ALPK3: variants seen among roughly 807,000 people sequenced by gnomAD.
ALPK3 encodes alpha-protein kinase 3.
Under a neutral mutation model 140.0 loss-of-function variants are expected in ALPK3, and 102 were observed. That is an observed-to-expected ratio of 0.73 (90% CI 0.62 to 0.86). The LOEUF (loss-of-function observed/expected upper bound fraction) is 0.86, where lower values mean the gene tolerates loss of function less well. ALPK3 is among the 40% of genes least tolerant of loss of function. The probability of loss-of-function intolerance (pLI) is 0.00; values close to 1 mark genes in which losing one functional copy is unlikely to be tolerated. For missense variants in ALPK3, 2,254 were observed against 2,208.2 expected (o/e 1.02, Z -0.42); for synonymous variants, 938 against 898.5 (o/e 1.04, Z -0.79).
rs1039459250 is a variant in ALPK3 at position 84,821,009 on chromosome 15, T to G, written c.144-2321T>G. ...CCAACCCTTTTTTTTTCTTCTATTC[T>G]GCTTATGTATGAATTCCCATTTTGT... is the stretch of plus-strand genomic sequence containing the variant. On this transcript the variant is annotated intron_variant, in intron 1 of 13. Coordinates refer to ENST00000258888, the MANE Select transcript of ALPK3 (RefSeq NM_020778.5). Among the ~76,000 whole-genome samples, 5 of 151,872 alleles carry G rather than the reference T, an allele frequency of 3.3e-5. No individual in the cohort carries two copies. The South Asian group carries it at 6.2e-4, about 19-fold the overall frequency.
chr15:84,857,650 C>T lies in ALPK3; in HGVS notation c.2912C>T (p.Ser971Phe). ...KNYLLLLLKL[S>F]STETSGAGGE... ...TACCTGCTTCTGCTGCTGAAGCTGT[C>T]CAGCACAGAGACAAGTGGAGCAGGG... The change falls in exon 6 of 14, where the codon TCC becomes TTC. Residue 971 changes from serine to phenylalanine, a missense_variant. Physicochemically the swap from Ser to Phe is radical, Grantham distance 155. This residue lies in a region of ALPK3 where 2,088 missense variants were observed against 2,022.9 expected (regional missense o/e 1.03). Transcript: ENST00000258888. 6.2e-6 allele frequency: 10 copies of T among 1,601,112 alleles called. No homozygotes were observed. The highest frequency in any genetic ancestry group is 1.3e-5 in the African/African-American group (1 of 74,860).
chr15:84,863,934 C>A (rs183862976), intron 11 of ALPK3, among the ~76,000 whole-genome samples: 9 of 152,294 alleles, frequency 5.9e-5, no homozygotes, highest in Admixed American at 5.9e-4. Context: ...TCTGGGACTC[C>A]ATGAAGGTGA....
chr15:84,833,176 A>G (rs1331406220), intron 3 of ALPK3, among the ~76,000 whole-genome samples: 2 of 152,206 alleles, frequency 1.3e-5, no homozygotes, highest in African/African-American at 4.8e-5. Context: ...CTACAACGCC[A>G]CCAATGGAGT....
intron 9 of ALPK3, among the ~76,000 whole-genome samples, chr15:84,861,468 T>TTG (rs1240194362): frequency 6.6e-6 from 1 of 152,224 alleles, no homozygotes; most frequent in African/African-American, 2.4e-5. Context: ...TTTAGTAATG[T>TTG]TAAGGTTGGT....
In ALPK3 at chr15:84,840,118, C is replaced by G; in HGVS notation, c.839C>G (p.Ala280Gly). The G allele has an allele frequency of 3.1e-6, 5 of 1,614,128 alleles. No individual in the cohort carries two copies. The highest frequency in any genetic ancestry group is 3.4e-6 in the Non-Finnish European group (4 of 1,180,024). Residue 280 changes from alanine (A) to glycine (G), a missense_variant, in exon 5 of 14, where the codon GCT becomes GGT. Around this residue, in one of 3 missense-constraint regions of ALPK3, gnomAD observed 2,088 missense variants for 2,022.9 expected, o/e 1.03. Transcript: ENST00000258888. Reference sequence around the variant, plus strand: ...GGAGAAGTGACCACCAACGGGGAGGCTGCCCCCGAGAATGGAGAGGACGGA... The same window carrying G: ...GGAGAAGTGACCACCAACGGGGAGGGTGCCCCCGAGAATGGAGAGGACGGA... ...ASGEVTTNGEAAPENGEDGEH... is the reference protein window; with the variant it reads ...ASGEVTTNGEGAPENGEDGEH...
In ALPK3 at chr15:84,857,715, C is replaced by A; in HGVS notation, c.2977C>A (p.Pro993Thr). Residue 993 changes from proline (P) to threonine (T), a missense_variant, in exon 6 of 14, where the codon CCC becomes ACC. By Grantham distance (38) the Pro-to-Thr change is conservative. Coordinates refer to ENST00000258888, the MANE Select transcript of ALPK3 (RefSeq NM_020778.5). ...QVGAATGGLV[P>T]SATLTPTVEV... is the part of the protein sequence containing the mutation. ...GGGGGCAGCCACCGGAGGTCTGGTG[C>A]CCTCAGCCACTCTGACACCCACTGT... 1.9e-6 allele frequency: 3 copies of A among 1,612,266 alleles called. No individual in the cohort carries two copies. Among genetic ancestry groups the A allele is most frequent in the Non-Finnish European group, 2.5e-6 (3 of 1,178,816 alleles).
intron 5 of ALPK3, among the ~76,000 whole-genome samples, chr15:84,850,171 T>C (rs1056469965): frequency 1.4e-4 from 21 of 152,050 alleles, no homozygotes; most frequent in Admixed American, 1.3e-4. Flanking sequence ...AATTATAAAC[T>C]ACCAAAACTT....
At chr15:84,864,230 A>G (rs1963979553) in intron 11 of ALPK3, among the ~76,000 whole-genome samples, 1 of 152,180 alleles carries the variant, frequency 6.6e-6, no homozygotes, top group Non-Finnish European at 1.5e-5. Context: ...CCACTGACCA[A>G]GAGAATGGAC....
intron 5 of ALPK3, among the ~76,000 whole-genome samples, chr15:84,854,603 C>T (rs1459430238): frequency 6.6e-6 from 1 of 152,112 alleles, no homozygotes; most frequent in Non-Finnish European, 1.5e-5. Flanking sequence ...CATTTTCTAT[C>T]TCATATTGGC....
intron 9 of ALPK3, among the ~76,000 whole-genome samples, chr15:84,861,055 A>C (rs1963939570): frequency 6.6e-6 from 1 of 152,218 alleles, no homozygotes. Flanking sequence ...CTCAACCTCA[A>C]AACTAAGTAA....
chr15:84,828,188 T>TA (rs1464393579), intron 3 of ALPK3, among the ~76,000 whole-genome samples: 1 of 152,198 alleles, frequency 6.6e-6, no homozygotes, highest in East Asian at 1.9e-4. Context: ...AGTTAATACA[T>TA]GCAAAGTGTT....
In ALPK3 at chr15:84,845,983, C is replaced by A. The variant is rs1164865865; in HGVS notation, c.1653+5051C>A. Among the ~76,000 whole-genome samples, 3 of 152,122 alleles carry A rather than the reference C, an allele frequency of 2.0e-5. No individual in the cohort carries two copies. The East Asian group carries it at 5.8e-4, about 29-fold the overall frequency. Reference sequence around the variant, plus strand: ...GCTGAGGTGGGAGAATTGCTTGAACCCGGGAACCTGGGAGGCAGAGGTTGC... The same window carrying A: ...GCTGAGGTGGGAGAATTGCTTGAACACGGGAACCTGGGAGGCAGAGGTTGC... On this transcript the variant is annotated intron_variant, in intron 5 of 13. Transcript: ENST00000258888.
chr15:84,839,970 C>T lies in ALPK3; in HGVS notation c.691C>T (p.Gln231Ter), dbSNP rs748725556. The T allele has an allele frequency of 2.5e-6, 4 of 1,612,814 alleles. No homozygotes were observed. The highest frequency in any genetic ancestry group is 4.5e-5 in the East Asian group (2 of 44,846). Reference protein sequence around the residue: ...FQRKRRLSGAQAPGPSVPTRE... With the variant: ...FQRKRRLSGA ...GCGAAAGCGGCGATTGAGCGGGGCT[C>T]AAGCGCCGGGCCCCTCGGTCCCTAC... is the stretch of plus-strand genomic sequence containing the variant. Residue 231 changes from glutamine to a stop codon, truncating the protein, a stop_gained, in exon 5 of 14, where the codon CAA (glutamine) becomes TAA (stop). Coordinates refer to ENST00000258888, the MANE Select transcript of ALPK3 (RefSeq NM_020778.5). LOFTEE classifies it high-confidence loss of function.
Position 84,857,087 on chromosome 15 carries a change from C to T in ALPK3, c.2349C>T (p.Ser783=), listed in dbSNP as rs1459952935. The change falls in exon 6 of 14, where the codon TCC becomes TCT. Residue 783 remains serine, a synonymous_variant. Coordinates refer to ENST00000258888, the MANE Select transcript of ALPK3 (RefSeq NM_020778.5). ...CTGAGGAGGCAGTAGTAACAGCCTC[C>T]AGGAACCATGAGCAAACTGTGCTGG... is the stretch of plus-strand genomic sequence containing the variant. ...PRSEEAVVTA[S]RNHEQTVLGP... The T allele has an allele frequency of 6.2e-7, 1 of 1,614,212 alleles. No homozygotes were observed. The highest frequency in any genetic ancestry group is 8.5e-7 in the Non-Finnish European group (1 of 1,180,018).
intron 5 of ALPK3, among the ~76,000 whole-genome samples, chr15:84,846,672 G>A (rs1197803397): frequency 6.6e-6 from 1 of 152,166 alleles, no homozygotes; most frequent in Non-Finnish European, 1.5e-5. Flanking sequence ...GACAAAGGGA[G>A]ACCCTGTCTC....
Position 84,859,632 on chromosome 15 carries a change from C to T in ALPK3, c.3966-144C>T, listed in dbSNP as rs548505591. On this transcript the variant is annotated intron_variant, in intron 7 of 13. Transcript: ENST00000258888. ...CCAGACCTGTGGGCTTCAGGACCAGCTCTTGGCCCTGGAATCGCGCTGCTT... is the reference window on the plus strand; with the variant it reads ...CCAGACCTGTGGGCTTCAGGACCAGTTCTTGGCCCTGGAATCGCGCTGCTT... The T allele has an allele frequency of 8.7e-5, 118 of 1,349,724 alleles. No individual in the cohort carries two copies. The South Asian group carries it at 1.6e-3, about 19-fold the overall frequency. 83.6% of individuals were successfully genotyped at this position (1,349,724 alleles called of 1,614,324 possible). A position where few individuals can be genotyped will look rare whatever the true frequency, so the allele number is the denominator to read the frequency against.
Position 84,858,149 on chromosome 15 carries a change from C to G in ALPK3, c.3411C>G (p.Pro1137=). Residue 1137 remains proline, a synonymous_variant, in exon 6 of 14, where the codon CCC becomes CCG. Coordinates refer to ENST00000258888, the MANE Select transcript of ALPK3 (RefSeq NM_020778.5). The stretch of plus-strand genomic sequence containing the variant: ...CAGCAGAGAGCATAGCCCAGGAGCC[C>G]TCCCAAGAGGAGAAGTTCCCAGGGG... The part of the protein sequence containing the change: ...GPSAESIAQE[P]SQEEKFPGEA... 6.2e-7 allele frequency: 1 copy of G among 1,606,014 alleles called. No individual in the cohort carries two copies. The highest frequency in any genetic ancestry group is 8.5e-7 in the Non-Finnish European group (1 of 1,176,914).
At chr15:84,868,037 A>G in intron 13 of ALPK3, 74 bp from the exon 14 acceptor site, 1 of 1,454,318 alleles carries the variant, frequency 6.9e-7, no homozygotes, top group South Asian at 1.3e-5. Flanking sequence ...GATGATGGCC[A>G]CCCCAGAGTC....
chr15:84,857,477 C>T lies in ALPK3; in HGVS notation c.2739C>T (p.His913=). 3.1e-6 allele frequency: 5 copies of T among 1,608,636 alleles called. No homozygotes were observed. The highest frequency in any genetic ancestry group is 4.2e-6 in the Non-Finnish European group (5 of 1,176,514). The part of the protein sequence containing the change: ...QVLMSSAPTL[H]LGLGTPTQSH... Reference sequence around the variant, plus strand: ...TGATGAGTTCTGCCCCAACACTGCACCTGGGGCTGGGGACCCCCACTCAGA... The same window carrying T: ...TGATGAGTTCTGCCCCAACACTGCATCTGGGGCTGGGGACCCCCACTCAGA... Residue 913 remains histidine (H), a synonymous_variant, in exon 6 of 14, where the codon CAC becomes CAT. Coordinates refer to ENST00000258888, the MANE Select transcript of ALPK3 (RefSeq NM_020778.5).
Sources: gnomAD v4.1 joint callset for allele counts (sites outside exome capture counted in the v4.1 genomes callset) on GRCh38, gnomAD v4.1.1 for gene constraint, gnomAD v4.1.1 regional missense constraint, MANE v1.5 for transcripts, NCBI Gene and HGNC (gene_info 2026-07-23, HGNC 2026-07-21) for gene names.